Variants in ALOX12B observed in about 807,000 individuals in gnomAD.
ALOX12B encodes arachidonate 12-lipoxygenase, 12R type.
ALOX12B carries 47 observed loss-of-function variants against 78.9 expected under a neutral mutation model. That is an observed-to-expected ratio of 0.60 (90% CI 0.47 to 0.76). The LOEUF (loss-of-function observed/expected upper bound fraction) is 0.76, where lower values mean the gene tolerates loss of function less well. Ranked by LOEUF, ALOX12B falls within the 30% of genes least tolerant of loss-of-function variation. The pLI is 0.00. For synonymous variants in ALOX12B, 370 were observed against 374.5 expected (o/e 0.99, Z 0.14); for missense variants, 805 against 922.6 (o/e 0.87, Z 1.65).
At chr17:8,084,226 C>T (rs866837383) in intron 2 of ALOX12B, among the ~76,000 whole-genome samples, 1 of 152,180 alleles carries the variant, frequency 6.6e-6, no homozygotes, top group Admixed American at 6.5e-5. Context: ...AGTCCAGGTC[C>T]GTCTTTCTCC....
Position 8,077,197 on chromosome 17 carries a change from G to C in ALOX12B, c.1072-4C>G. On this transcript the variant is annotated splice_polypyrimidine_tract_variant and splice_region_variant and intron_variant, in intron 8 of 14. Transcript: ENST00000647874. Reference sequence around the variant, plus strand: ...CTGGCCCAGGGGTCTGGCTGAGCTAGGTGTGGTGAAAGAGAAAGGGTTGGG... The same window carrying C: ...CTGGCCCAGGGGTCTGGCTGAGCTACGTGTGGTGAAAGAGAAAGGGTTGGG... 1 of 1,608,598 alleles carries C rather than the reference G, an allele frequency of 6.2e-7. No homozygotes were observed. Among genetic ancestry groups the C allele is most frequent in the Non-Finnish European group, 8.5e-7 (1 of 1,177,604 alleles).
In ALOX12B at chr17:8,072,857, G is replaced by T. The variant is rs2151820894; in HGVS notation, c.2020C>A (p.His674Asn). Residue 674 changes from histidine to asparagine, a missense_variant, in exon 15 of 15, where the codon CAC becomes AAC. By Grantham distance (68) the His-to-Asn change is moderately conservative (BLOSUM62 1). Coordinates refer to ENST00000647874, the MANE Select transcript of ALOX12B (RefSeq NM_001139.3). ...CACTTGTTGCGCTGGCGGATGTCGT[G>T]TGAGATCTGGTTCAGGCGCTGGCGG... ...AFRQRLNQISHDIRQRNKCLP... is the reference protein window; with the variant it reads ...AFRQRLNQISNDIRQRNKCLP... The T allele has an allele frequency of 1.2e-6, 2 of 1,614,212 alleles. No homozygotes were observed. Among genetic ancestry groups the T allele is most frequent in the South Asian group, 2.2e-5 (2 of 91,090 alleles).
chr17:8,079,687 G>A lies in ALOX12B; in HGVS notation c.927+82C>T. The A allele has an allele frequency of 6.5e-7, 1 of 1,549,210 alleles. No homozygotes were observed. The highest frequency in any genetic ancestry group is 1.2e-5 in the South Asian group (1 of 84,632). On this transcript the variant is annotated intron_variant, in intron 7 of 14. Transcript: ENST00000647874. The surrounding 1 kb of genome is among the most constrained non-coding windows in gnomAD (Gnocchi z 6.4). ...TGCGGGCTTGCCTGGGACTGGCGCG[G>A]GCGCCGGAGGTGGGGAGAGACGGGG...
Position 8,072,840 on chromosome 17 carries a change from G to A in ALOX12B, c.2037C>T (p.Arg679=), listed in dbSNP as rs1440936601. The A allele has an allele frequency of 6.2e-7, 1 of 1,614,224 alleles. No homozygotes were observed. Among genetic ancestry groups the A allele is most frequent in the South Asian group, 1.1e-5 (1 of 91,090 alleles). The change falls in exon 15 of 15, where the codon CGC becomes CGT. Residue 679 remains arginine (R), a synonymous_variant. Transcript: ENST00000647874. The part of the protein sequence containing the change: ...LNQISHDIRQ[R]NKCLPIPYYY... Reference sequence around the variant, plus strand: ...AGTAGGGGATGGGAAGGCACTTGTTGCGCTGGCGGATGTCGTGTGAGATCT... The same window carrying A: ...AGTAGGGGATGGGAAGGCACTTGTTACGCTGGCGGATGTCGTGTGAGATCT...
intron 1 of ALOX12B, 37 bp downstream of exon 1, chr17:8,087,245 CACACACACACACAG>C (rs1283197923): frequency 1.7e-5 from 24 of 1,420,214 alleles, no homozygotes; most frequent in Admixed American, 6.3e-5. Flanking sequence ...CAGACACACA[CACACACACACACAG>C]ACACACACAC....
chr17:8,082,415 T>C (rs1395411268), intron 2 of ALOX12B, among the ~76,000 whole-genome samples: 4 of 152,174 alleles, frequency 2.6e-5, no homozygotes, highest in African/African-American at 9.7e-5. Context: ...TATGTTCCCA[T>C]GCTCTGAGCG....
At chr17:8,076,512 G>T in intron 10 of ALOX12B, 145 bp downstream of exon 10, 1 of 1,292,702 alleles carries the variant, frequency 7.7e-7, no homozygotes, top group Non-Finnish European at 1.1e-6. Flanking sequence ...CTCCTTTCTA[G>T]ACAGGAGAAC....
chr17:8,080,054 GC>G lies in ALOX12B; in HGVS notation c.755-114del. 1.3e-6 allele frequency: 2 copies of G among 1,519,030 alleles called. No individual in the cohort carries two copies. Among genetic ancestry groups the G allele is most frequent in the East Asian group, 2.3e-5 (1 of 42,856 alleles). 94.1% of individuals were successfully genotyped at this position (1,519,030 alleles called of 1,614,324 possible). A position where few individuals can be genotyped will look rare whatever the true frequency, so the allele number is the denominator to read the frequency against. On this transcript the variant is annotated intron_variant, in intron 6 of 14. Coordinates refer to ENST00000647874, the MANE Select transcript of ALOX12B (RefSeq NM_001139.3). The surrounding 1 kb of genome is among the most constrained non-coding windows in gnomAD (Gnocchi z 4.8). ...GAGAGGAGTCGGGGAGGAAAACGAG[GC>G]CCCCAGCCTGGCGCTGAGCGGCCGG...
intron 2 of ALOX12B, among the ~76,000 whole-genome samples, chr17:8,082,830 T>C (rs576970993): frequency 1.2e-4 from 19 of 152,250 alleles, no homozygotes; most frequent in Admixed American, 2.6e-4. Flanking sequence ...ACAGGTGGTG[T>C]TGAGGCTGGT....
chr17:8,087,494 G>A lies in ALOX12B; in HGVS notation c.-52C>T. On this transcript the variant is annotated 5_prime_UTR_variant, in exon 1 of 15. Coordinates refer to ENST00000647874, the MANE Select transcript of ALOX12B (RefSeq NM_001139.3). ...CACTCAGTCCCAGACACCGTGGAGG[G>A]GCCACACGAAGGCCCAAGGCAGGCA... 1 of 1,612,778 alleles carries A rather than the reference G, an allele frequency of 6.2e-7. No individual in the cohort carries two copies. The highest frequency in any genetic ancestry group is 8.5e-7 in the Non-Finnish European group (1 of 1,179,974).
chr17:8,076,339 C>T lies in ALOX12B; in HGVS notation c.1368G>A (p.Met456Ile), dbSNP rs1321700259. Reference protein sequence around the residue: ...LNEGGLSAKGMSLGVEGFAGV... With the variant: ...LNEGGLSAKGISLGVEGFAGV... ...CAGCAAAGCCTTCCACGCCCAGGGACATGCCCTGTGAGGAAGGAGGCAGAT... is the reference window on the plus strand; with the variant it reads ...CAGCAAAGCCTTCCACGCCCAGGGATATGCCCTGTGAGGAAGGAGGCAGAT... Residue 456 changes from methionine to isoleucine, a missense_variant, in exon 11 of 15, where the codon ATG becomes ATA. Met to Ile is a conservative substitution (Grantham distance 10). Transcript: ENST00000647874. The T allele has an allele frequency of 4.4e-6, 7 of 1,601,586 alleles. No individual in the cohort carries two copies. Among genetic ancestry groups the T allele is most frequent in the Non-Finnish European group, 6.0e-6 (7 of 1,173,790 alleles).
At chr17:8,073,455 A>T in intron 13 of ALOX12B, 137 bp from the exon 14 acceptor site, 2 of 1,107,838 alleles carry the variant, frequency 1.8e-6, no homozygotes, top group Non-Finnish European at 2.6e-6. Flanking sequence ...TGGGTTGGTT[A>T]GACTGGGGGT....
intron 2 of ALOX12B, chr17:8,081,445 C>A (rs548539681): frequency 5.4e-6 from 3 of 560,040 alleles, no homozygotes; most frequent in African/African-American, 3.8e-5. Flanking sequence ...TCTAGACCCA[C>A]TGAAATATTT....
At chr17:8,083,564 A>G (rs1005316590) in intron 2 of ALOX12B, among the ~76,000 whole-genome samples, 2 of 152,006 alleles carry the variant, frequency 1.3e-5, no homozygotes, top group African/African-American at 4.8e-5. Flanking sequence ...CCCCATCTCC[A>G]CTAAAAATAC....
rs749248530 is a variant in ALOX12B, at chr17:8,087,273, C to G, written c.147+23G>C. ...ACACACACACAGACACACACACACA[C>G]ACACACACACACACACTCTTACCGC... On this transcript the variant is annotated intron_variant, in intron 1 of 14. Coordinates refer to ENST00000647874, the MANE Select transcript of ALOX12B (RefSeq NM_001139.3). 5 of 1,610,662 alleles carry G rather than the reference C, an allele frequency of 3.1e-6. No individual in the cohort carries two copies. In the African/African-American group the frequency reaches 6.7e-5, roughly 22 times the overall value.
At position 8,073,578 on chromosome 17, in the gene ALOX12B, G is replaced by A. The variant is rs894288906; in HGVS notation, c.1755+79C>T. 5 of 1,325,076 alleles carry A rather than the reference G, an allele frequency of 3.8e-6. No individual in the cohort carries two copies. The African/African-American group carries it at 4.4e-5, about 12-fold the overall frequency. 82.1% of individuals were successfully genotyped at this position (1,325,076 alleles called of 1,614,324 possible). A position where few individuals can be genotyped will look rare whatever the true frequency, so the allele number is the denominator to read the frequency against. On this transcript the variant is annotated intron_variant, in intron 13 of 14. Transcript: ENST00000647874. ...TGGACCAGGGATTATGGCTGAGGCT[G>A]GGTTTGAGGTTGGGGCATGGACGAA... is the stretch of plus-strand genomic sequence containing the variant.
At chr17:8,086,337 G>T in intron 1 of ALOX12B, 117 bp from the exon 2 acceptor site, 1 of 1,012,580 alleles carries the variant, frequency 9.9e-7, no homozygotes, top group Non-Finnish European at 1.5e-6. Flanking sequence ...CACCTCCCTG[G>T]ACTGACGGAG....
chr17:8,073,073 G>T, intron 14 of ALOX12B, 75 bp downstream of exon 14: 2 of 1,607,838 alleles, frequency 1.2e-6, no homozygotes, highest in Non-Finnish European at 1.7e-6. Context: ...CCCTCTTGAC[G>T]CCGCTAGTTA....
intron 11 of ALOX12B, 69 bp from the exon 12 acceptor site, chr17:8,075,785 C>A: frequency 6.2e-7 from 1 of 1,613,570 alleles, no homozygotes; most frequent in South Asian, 1.1e-5. Flanking sequence ...CTTCTCCCAC[C>A]TCCCCCAGGG....
Sources: allele counts gnomAD v4.1 joint callset (sites outside exome capture counted in the v4.1 genomes callset), GRCh38; gene constraint gnomAD v4.1.1; non-coding constraint Gnocchi (gnomAD v3.1); transcripts MANE v1.5; gene names NCBI Gene and HGNC (gene_info 2026-07-23, HGNC 2026-07-21).